The following PHACTR2 variants were observed in gnomAD, a reference collection of about 807,000 sequenced individuals.
PHACTR2 encodes chromosome 6 open reading frame 56.
Under a neutral mutation model 76.0 loss-of-function variants are expected in PHACTR2, and 30 were observed. The ratio of observed to expected loss-of-function variants is 0.39; its 90% CI spans 0.30 to 0.54. PHACTR2 has a LOEUF of 0.54. Ranked by LOEUF, PHACTR2 falls within the 20% of genes least tolerant of loss-of-function variation. PHACTR2 has a pLI of 0.61. For synonymous variants in PHACTR2, 292 were observed against 292.5 expected, an observed-to-expected ratio of 1.00 and a Z score of 0.02; for missense variants, 696 against 781.1, an observed-to-expected ratio of 0.89 and a Z score of 1.30.
rs184008199 is a variant in PHACTR2 at position 143,729,681 on chromosome 6, T to C, written c.214+17498T>C. Among the ~76,000 whole-genome samples the C allele has an allele frequency of 1.0e-3, 158 of 152,308 alleles. 1 individual carries two copies. The highest frequency in any genetic ancestry group is 4.8e-3 in the South Asian group (23 of 4,830). Reference sequence around the variant, plus strand: ...ACATATTCTCTTTGGTAAAAGTCTTTTGTCCAATTTTTACTGAGTAGTTTG... The same window carrying C: ...ACATATTCTCTTTGGTAAAAGTCTTCTGTCCAATTTTTACTGAGTAGTTTG... On this transcript the variant is annotated intron_variant, in intron 2 of 12. Transcript: ENST00000440869.
intron 1 of PHACTR2, among the ~76,000 whole-genome samples, chr6:143,593,655 C>G (rs1342999200): frequency 2.6e-5 from 4 of 152,096 alleles, no homozygotes; most frequent in African/African-American, 4.8e-5. Context: ...TGTTTATATT[C>G]AGAGGTAGAA....
rs11375475 is a variant in PHACTR2 at position 143,540,704 on chromosome 6, G to GAA, written c.217+3506_217+3507dup. Among the ~76,000 whole-genome samples the GAA allele has an allele frequency of 8.3e-3, 1,193 of 143,698 alleles. 11 individuals carry two copies. The highest frequency in any genetic ancestry group is 0.026 in the African/African-American group (1,058 of 40,054). 94.3% of individuals were successfully genotyped at this position (143,698 alleles called of 152,430 possible). ...ACATAAGAATGCAAGTGCTTTATCA[G>GAA]AAAAAAAAAACCCAAGCCAGTTTTA... On this transcript the variant is annotated intron_variant, in intron 1 of 11. Transcript: ENST00000367584.
chr6:143,604,549 C>G (rs1309462230), upstream of PHACTR2, among the ~76,000 whole-genome samples: 1 of 152,146 alleles, frequency 6.6e-6, no homozygotes, highest in African/African-American at 2.4e-5. Context: ...CAGTTCTTCT[C>G]TGTGCTTCCA....
rs1777146692 is a variant in PHACTR2, at chr6:143,671,109, T to G, written c.14-40907T>G. ...CATGCCCAGCTAATTTTTGTATTTTTAGTAGAGATGGGGTTCCACCACGTT... is the reference window on the plus strand; with the variant it reads ...CATGCCCAGCTAATTTTTGTATTTTGAGTAGAGATGGGGTTCCACCACGTT... On this transcript the variant is annotated intron_variant, in intron 1 of 11. Coordinates refer to the PHACTR2 transcript ENST00000305766. The surrounding 1 kb of genome is among the most constrained non-coding windows in gnomAD (Gnocchi z 4.6). 1.3e-5 allele frequency among the ~76,000 whole-genome samples: 2 copies of G among 152,100 alleles called. No individual in the cohort carries two copies. The highest frequency in any genetic ancestry group is 4.1e-4 in the South Asian group (2 of 4,824).
chr6:143,767,769 A>G lies in PHACTR2; in HGVS notation c.1232+1971A>G, dbSNP rs1420810098. Among the ~76,000 whole-genome samples the G allele has an allele frequency of 2.6e-5, 4 of 152,198 alleles. No homozygotes were observed. Among genetic ancestry groups the G allele is most frequent in the African/African-American group, 4.8e-5 (2 of 41,444 alleles). On this transcript the variant is annotated intron_variant, in intron 6 of 12. Coordinates refer to ENST00000440869, the MANE Select transcript of PHACTR2 (RefSeq NM_001100164.2). The surrounding 1 kb of genome is among the most constrained non-coding windows in gnomAD (Gnocchi z 4.4). ...ATCTATTCACGAGGGCAGAGCCTTC[A>G]TGACTTAAACACCTCCCACTAGGCC... is the stretch of plus-strand genomic sequence containing the variant.
At chr6:143,711,972 AC>A in intron 1 of PHACTR2, 43 bp from the exon 2 acceptor site, 1 of 1,576,882 alleles carries the variant, frequency 6.3e-7, no homozygotes, top group Non-Finnish European at 8.7e-7. Context: ...TTTTATTACA[AC>A]CTTTTTTACA....
chr6:143,734,152 G>C (rs1323277641), intron 2 of PHACTR2, among the ~76,000 whole-genome samples: 2 of 152,132 alleles, frequency 1.3e-5, no homozygotes, highest in South Asian at 2.1e-4. Context: ...TTATGGGAAA[G>C]AGTAATAGAA....
upstream of PHACTR2, among the ~76,000 whole-genome samples, chr6:143,606,058 A>G (rs985953484): frequency 3.3e-4 from 50 of 152,296 alleles, no homozygotes; most frequent in African/African-American, 1.1e-3. Context: ...TCAGAATTTT[A>G]TTTTAGAAAG....
chr6:143,725,179 C>T (rs1778533261), intron 2 of PHACTR2, among the ~76,000 whole-genome samples: 1 of 149,390 alleles, frequency 6.7e-6, no homozygotes, highest in African/African-American at 2.5e-5. Context: ...TGTCACTCCC[C>T]AAATCTCCTT....
intron 1 of PHACTR2, among the ~76,000 whole-genome samples, chr6:143,666,003 C>T (rs1229684782): frequency 1.3e-5 from 2 of 152,014 alleles, no homozygotes; most frequent in East Asian, 1.9e-4. Context: ...GGTATTTATC[C>T]TAATGCTATC....
intron 11 of PHACTR2, among the ~76,000 whole-genome samples, chr6:143,792,784 C>T (rs9403532): frequency 0.3 from 46,197 of 151,940 alleles, 7,297 homozygotes; most frequent in South Asian, 0.4. Context: ...CATGGTGGCC[C>T]GAGTCATCAG....
rs1332685512 is a variant in PHACTR2, at chr6:143,658,867, A to T, written c.13+50545A>T. On this transcript the variant is annotated intron_variant, in intron 1 of 11. Coordinates refer to the PHACTR2 transcript ENST00000305766. This position sits in a 1 kb window ranked among gnomAD's most constrained non-coding sequence, Gnocchi z 4.1. The stretch of plus-strand genomic sequence containing the variant: ...TGGTGAAACCTCATCTCTACTAAAA[A>T]TACAAAACTTAGCCGGTCAGGGTGG... Among the ~76,000 whole-genome samples the T allele has an allele frequency of 1.3e-5, 2 of 152,018 alleles. No individual in the cohort carries two copies. The highest frequency in any genetic ancestry group is 4.8e-5 in the African/African-American group (2 of 41,382).
At position 143,611,458 on chromosome 6, in the gene PHACTR2, A is replaced by G. The variant is rs76895764; in HGVS notation, c.13+3136A>G. 6.4e-3 allele frequency among the ~76,000 whole-genome samples: 971 copies of G among 152,334 alleles called. 22 individuals are homozygous for G. The East Asian group carries it at 0.091, about 14-fold the overall frequency. On this transcript the variant is annotated intron_variant, in intron 1 of 11. Coordinates refer to the PHACTR2 transcript ENST00000305766. This position sits in a 1 kb window ranked among gnomAD's most constrained non-coding sequence, Gnocchi z 4.4. Reference sequence around the variant, plus strand: ...GGAGTGGAGTAGTCGAGAGCATCAGATAATTTTAGCTGAACGTTGGCTCTG... The same window carrying G: ...GGAGTGGAGTAGTCGAGAGCATCAGGTAATTTTAGCTGAACGTTGGCTCTG...
chr6:143,741,068 C>T (rs993738914), intron 2 of PHACTR2, among the ~76,000 whole-genome samples: 2 of 151,742 alleles, frequency 1.3e-5, no homozygotes, highest in African/African-American at 4.8e-5. Flanking sequence ...GCCAACATGG[C>T]GAAAACCCAT....
rs1775533328 is a variant in PHACTR2 at position 143,578,055 on chromosome 6, C to A, written c.217+40848C>A. Among the ~76,000 whole-genome samples the A allele has an allele frequency of 6.6e-6, 1 of 152,200 alleles. No individual in the cohort carries two copies. The highest frequency in any genetic ancestry group is 6.5e-5 in the Admixed American group (1 of 15,284). On this transcript the variant is annotated intron_variant, in intron 1 of 11. Coordinates refer to the PHACTR2 transcript ENST00000367584. The surrounding 1 kb of genome is among the most constrained non-coding windows in gnomAD (Gnocchi z 4.5). ...CCAACACCTGTGAGAATTCCACAGT[C>A]AACTTGCTTACTAGGCCCCTCCCTT...
At chr6:143,575,352 T>C (rs184484486) in intron 1 of PHACTR2, among the ~76,000 whole-genome samples, 2 of 152,376 alleles carry the variant, frequency 1.3e-5, no homozygotes, top group East Asian at 3.9e-4. Context: ...TACTTTTTTA[T>C]AAGCACCATG....
chr6:143,564,196 CATATATATAT>C lies in PHACTR2; in HGVS notation c.217+27020_217+27029del, dbSNP rs59017997. Among the ~76,000 whole-genome samples the C allele has an allele frequency of 1.7e-3, 68 of 40,300 alleles. 2 individuals are homozygous for C. The South Asian group carries it at 0.018, about 11-fold the overall frequency. 26.4% of individuals were successfully genotyped at this position (40,300 alleles called of 152,430 possible). ...ATGTGTGTGTGTATGTGTGTGTGTG[CATATATATAT>C]ATATATATATATATATATATATATA... On this transcript the variant is annotated intron_variant, in intron 1 of 11. Coordinates refer to the PHACTR2 transcript ENST00000367584.
rs1779172553 is a variant in PHACTR2, at chr6:143,751,055, G to A, written c.295+1990G>A. On this transcript the variant is annotated intron_variant, in intron 3 of 12. Transcript: ENST00000440869. This position sits in a 1 kb window ranked among gnomAD's most constrained non-coding sequence, Gnocchi z 5.7. ...AAAAGCAATTATCTGGAGAATTTCA[G>A]TCTGAGAGACTAGAAGCTGCTGTTC... is the stretch of plus-strand genomic sequence containing the variant. 6.6e-6 allele frequency among the ~76,000 whole-genome samples: 1 copy of A among 152,212 alleles called. No homozygotes were observed.
chr6:143,661,134 A>G (rs1381881768), intron 1 of PHACTR2, among the ~76,000 whole-genome samples: 1 of 152,262 alleles, frequency 6.6e-6, no homozygotes, highest in African/African-American at 2.4e-5. Flanking sequence ...TTTGCATACA[A>G]TGAAAAACTC....
Sources: allele counts gnomAD v4.1 joint callset (sites outside exome capture counted in the v4.1 genomes callset), GRCh38; gene constraint gnomAD v4.1.1; non-coding constraint Gnocchi (gnomAD v3.1); transcripts MANE v1.5; gene names NCBI Gene and HGNC (gene_info 2026-07-23, HGNC 2026-07-21).